CNTN6: variants seen among roughly 807,000 people sequenced by gnomAD.
CNTN6 encodes contactin-6.
Under a neutral mutation model 122.8 loss-of-function variants are expected in CNTN6, and 137 were observed. The observed-to-expected ratio is 1.12, with a 90% CI of 0.97 to 1.29. The LOEUF (loss-of-function observed/expected upper bound fraction) is 1.29. CNTN6 is among the 50% of genes most tolerant of loss of function. CNTN6 has a pLI of 0.00. For synonymous variants in CNTN6, 570 were observed against 426.0 expected (o/e 1.34, Z -4.16); for missense variants, 1,634 against 1,223.4 (o/e 1.34, Z -5.01).
Position 1,106,549 on chromosome 3 carries a change from A to ATC in CNTN6, c.-83+13442_-83+13443dup, listed in dbSNP as rs763117890. ...ACACACACACACACACACACGCACAATCTCTCTCTCTCTCAAACTTTGGCA... is the reference window on the plus strand; with the variant it reads ...ACACACACACACACACACACGCACAATCTCTCTCTCTCTCTCAAACTTTGGCA... On this transcript the variant is annotated intron_variant, in intron 1 of 22. Transcript: ENST00000446702. 8.9e-5 allele frequency among the ~76,000 whole-genome samples: 13 copies of ATC among 146,820 alleles called. No individual in the cohort carries two copies. In the East Asian group the frequency reaches 1.4e-3, roughly 15 times the overall value.
In CNTN6 at chr3:1,401,643, C is replaced by T. The variant is rs1695722779; in HGVS notation, c.2817+98C>T. 2.8e-5 allele frequency: 20 copies of T among 722,924 alleles called. No individual in the cohort carries two copies. In the South Asian group the frequency reaches 3.3e-4, roughly 12 times the overall value. The allele number at this position is 722,924 out of a possible 1,614,324, so 44.8% of individuals were successfully genotyped here. Reference sequence around the variant, plus strand: ...AAAACAAATTGGATGCATATGGAAACACTGGAATCTTTTTCAAAATTATTT... The same window carrying T: ...AAAACAAATTGGATGCATATGGAAATACTGGAATCTTTTTCAAAATTATTT... On this transcript the variant is annotated intron_variant, in intron 21 of 22. Transcript: ENST00000446702.
At chr3:1,117,395 T>C (rs1488434940) in intron 1 of CNTN6, among the ~76,000 whole-genome samples, 1 of 152,054 alleles carries the variant, frequency 6.6e-6, no homozygotes, top group African/African-American at 2.4e-5. Context: ...TATGGCTGAA[T>C]AATTAGGAGG....
chr3:1,207,441 G>A (rs576936355), intron 2 of CNTN6, among the ~76,000 whole-genome samples: 1 of 151,990 alleles, frequency 6.6e-6, no homozygotes, highest in South Asian at 2.1e-4. Context: ...GGGGTTTGAC[G>A]CTTGCTGTTC....
At chr3:1,095,693 T>C (rs192815648) in intron 1 of CNTN6, among the ~76,000 whole-genome samples, 5 of 152,354 alleles carry the variant, frequency 3.3e-5, no homozygotes, top group Admixed American at 3.3e-4. Context: ...AAGATTTTTT[T>C]GGATGCACGT....
intron 1 of CNTN6, among the ~76,000 whole-genome samples, chr3:1,132,419 G>A (rs2092359931): frequency 6.6e-6 from 1 of 152,022 alleles, no homozygotes; most frequent in Non-Finnish European, 1.5e-5. Context: ...TGACACACCA[G>A]AGATATATGT....
chr3:1,370,946 A>G (rs1708928365), intron 12 of CNTN6, among the ~76,000 whole-genome samples: 1 of 152,178 alleles, frequency 6.6e-6, no homozygotes, highest in African/African-American at 2.4e-5. Flanking sequence ...TTGATACAGA[A>G]TGAGTTTGAT....
chr3:1,287,964 T>A (rs1256611261), intron 5 of CNTN6, among the ~76,000 whole-genome samples: 1 of 151,714 alleles, frequency 6.6e-6, no homozygotes, highest in East Asian at 1.9e-4. Context: ...CTTATTCCTC[T>A]ACTTTCCTCA....
intron 19 of CNTN6, among the ~76,000 whole-genome samples, chr3:1,384,108 G>T (rs1011233129): frequency 7.9e-5 from 12 of 152,200 alleles, no homozygotes; most frequent in Admixed American, 3.3e-4. Context: ...TACAGATTCA[G>T]TAAGTAAGAT....
At chr3:1,261,869 A>G (rs554370616) in intron 4 of CNTN6, among the ~76,000 whole-genome samples, 53 of 152,292 alleles carry the variant, frequency 3.5e-4, no homozygotes, top group African/African-American at 1.3e-3. Context: ...GAGGTGTAAA[A>G]GTTCAGAGAT....
At chr3:1,098,787 CACATATATATATATAT>C (rs1253614924) in intron 1 of CNTN6, among the ~76,000 whole-genome samples, 1 of 55,692 alleles carries the variant, frequency 1.8e-5, no homozygotes, top group African/African-American at 1.5e-4. Flanking sequence ...CACACACACA[CACATATATATATATAT>C]ATATATATAT....
rs1246474226 is a variant in CNTN6, at chr3:1,265,045, T to C, written c.359-13368T>C. ...TGTTGCCACAAATGACCGAATTTCC[T>C]TTTTTTTTTTTTTTTTTTGGCTGGA... is the stretch of plus-strand genomic sequence containing the variant. On this transcript the variant is annotated intron_variant, in intron 4 of 22. Coordinates refer to ENST00000446702, the MANE Select transcript of CNTN6 (RefSeq NM_001289080.2). Among the ~76,000 whole-genome samples the C allele has an allele frequency of 3.1e-4, 9 of 29,218 alleles. No individual in the cohort carries two copies. In the East Asian group the frequency reaches 0.035, roughly 115 times the overall value. 19.2% of individuals were successfully genotyped at this position (29,218 alleles called of 152,430 possible). A position where few individuals can be genotyped will look rare whatever the true frequency, so the allele number is the denominator to read the frequency against.
intron 5 of CNTN6, among the ~76,000 whole-genome samples, chr3:1,282,575 T>G (rs1398852710): frequency 1.3e-5 from 2 of 152,220 alleles, no homozygotes; most frequent in Admixed American, 6.5e-5. Context: ...CTTGTTCCCA[T>G]ATTTCCAAAA....
At chr3:1,287,653 A>C (rs1425516724) in intron 5 of CNTN6, among the ~76,000 whole-genome samples, 3 of 151,596 alleles carry the variant, frequency 2.0e-5, no homozygotes, top group Non-Finnish European at 4.4e-5. Context: ...TAAAGAAGCC[A>C]GCCAAAACCC....
chr3:1,213,821 CA>C (rs1020687213), intron 2 of CNTN6, among the ~76,000 whole-genome samples: 28 of 112,328 alleles, frequency 2.5e-4, no homozygotes, highest in African/African-American at 8.4e-4. Flanking sequence ...TGATTTGAGA[CA>C]AAAAAATTTT....
chr3:1,318,638 G>A (rs1700437816), intron 7 of CNTN6, among the ~76,000 whole-genome samples: 1 of 151,722 alleles, frequency 6.6e-6, no homozygotes, highest in Non-Finnish European at 1.5e-5. Flanking sequence ...AAGTTCCACA[G>A]AAGGTAAATT....
chr3:1,277,331 C>G (rs917774875), intron 4 of CNTN6, among the ~76,000 whole-genome samples: 5 of 117,554 alleles, frequency 4.3e-5, no homozygotes, highest in African/African-American at 1.2e-4. Context: ...CTACTTCTGT[C>G]TTTTAGTAGG....
At chr3:1,119,354 G>GTGTGTGTGTGTGTGTGTGTGTGT (rs1339996215) in intron 1 of CNTN6, among the ~76,000 whole-genome samples, 2 of 8,824 alleles carry the variant, frequency 2.3e-4, no homozygotes, top group Non-Finnish European at 2.9e-4. Context: ...TGTGTGTGTG[G>GTGTGTGTGTGTGTGTGTGTGTGT]AGAATGTCTC....
chr3:1,136,396 A>T (rs76565716), intron 1 of CNTN6, among the ~76,000 whole-genome samples: 1 of 152,150 alleles, frequency 6.6e-6, no homozygotes. Flanking sequence ...TTGGAAAAGC[A>T]CTACAGAAAA....
intron 5 of CNTN6, among the ~76,000 whole-genome samples, chr3:1,290,257 A>G (rs77828564): frequency 6.6e-6 from 1 of 152,248 alleles, no homozygotes; most frequent in Non-Finnish European, 1.5e-5. Context: ...AGCAATAAGT[A>G]CTTTACAGTA....
Sources: gnomAD v4.1 joint callset for allele counts (sites outside exome capture counted in the v4.1 genomes callset) on GRCh38, gnomAD v4.1.1 for gene constraint, MANE v1.5 for transcripts, NCBI Gene and HGNC (gene_info 2026-07-23, HGNC 2026-07-21) for gene names.